The following NXN variants were observed in gnomAD, a reference collection of about 807,000 sequenced individuals.
The protein encoded by NXN is nucleoredoxin, also known as nucleoredoxin 1.
A neutral mutation model predicts 48.6 loss-of-function variants in NXN; 16 were observed. The ratio of observed to expected loss-of-function variants is 0.33; its 90% confidence interval spans 0.22 to 0.50. The LOEUF (loss-of-function observed/expected upper bound fraction) is 0.50, where lower values mean the gene tolerates loss of function less well. NXN is among the 20% of genes least tolerant of loss of function. The pLI is 0.98. For missense variants in NXN, 492 were observed against 605.5 expected (o/e 0.81, Z 1.97); for synonymous variants, 281 against 269.6 (o/e 1.04, Z -0.41).
chr17:835,094 G>C (rs538812891), intron 1 of NXN, among the ~76,000 whole-genome samples: 2 of 151,304 alleles, frequency 1.3e-5, no homozygotes, highest in African/African-American at 2.4e-5. Context: ...GGATCACAAG[G>C]TCAGGAGATC....
At chr17:860,813 C>A (rs2068032892) in intron 1 of NXN, among the ~76,000 whole-genome samples, 1 of 152,202 alleles carries the variant, frequency 6.6e-6, no homozygotes, top group Non-Finnish European at 1.5e-5. Context: ...AACATGTGAC[C>A]CTAACTCTAA....
At chr17:841,141 A>G (rs983913388) in intron 1 of NXN, among the ~76,000 whole-genome samples, 3 of 152,188 alleles carry the variant, frequency 2.0e-5, no homozygotes, top group South Asian at 2.1e-4. Context: ...GTGTGGATAG[A>G]TCGTAGGCAC....
At chr17:974,581 A>C (rs2069435458) in intron 1 of NXN, among the ~76,000 whole-genome samples, 2 of 151,918 alleles carry the variant, frequency 1.3e-5, no homozygotes, top group East Asian at 3.9e-4. Flanking sequence ...GTTATCACAA[A>C]TGGAAAAGGA....
At chr17:905,519 G>T (rs2068574538) in intron 1 of NXN, among the ~76,000 whole-genome samples, 1 of 152,122 alleles carries the variant, frequency 6.6e-6, no homozygotes, top group Admixed American at 6.6e-5. Context: ...AAAATGGAGG[G>T]GTGCTCTTAC....
chr17:908,517 C>CGAGACTCCAGCCTGGGCAAA (rs1567858021), intron 1 of NXN, among the ~76,000 whole-genome samples: 4 of 152,086 alleles, frequency 2.6e-5, no homozygotes, highest in African/African-American at 9.7e-5. Flanking sequence ...GCCTGGGCAA[C>CGAGACTCCAGCCTGGGCAAA]AGAACGAGAC....
intron 1 of NXN, among the ~76,000 whole-genome samples, chr17:918,158 C>T (rs1028338877): frequency 2.6e-5 from 4 of 152,200 alleles, no homozygotes; most frequent in Non-Finnish European, 5.9e-5. Flanking sequence ...AATATCACCT[C>T]CCCCAAAACA....
chr17:828,094 C>T (rs1913232639), intron 1 of NXN, among the ~76,000 whole-genome samples: 1 of 152,046 alleles, frequency 6.6e-6, no homozygotes, highest in African/African-American at 2.4e-5. Flanking sequence ...TCCTGCACAT[C>T]CAGTTTTTTT....
At chr17:807,260 C>T (rs1489601644) in intron 5 of NXN, among the ~76,000 whole-genome samples, 1 of 152,108 alleles carries the variant, frequency 6.6e-6, no homozygotes, top group African/African-American at 2.4e-5. Flanking sequence ...CGGCAAGGTC[C>T]TTCCTCAGAG....
At chr17:802,566 A>G (rs1206311405) in intron 7 of NXN, among the ~76,000 whole-genome samples, 2 of 152,188 alleles carry the variant, frequency 1.3e-5, no homozygotes, top group Non-Finnish European at 2.9e-5. Context: ...GCTGTGCTGC[A>G]GCCATCTTTT....
intron 1 of NXN, among the ~76,000 whole-genome samples, chr17:900,457 C>T (rs1009982460): frequency 2.6e-5 from 4 of 152,130 alleles, no homozygotes; most frequent in African/African-American, 9.7e-5. Context: ...AGATTCCCAC[C>T]TCTTGCAGGA....
At chr17:914,417 G>A (rs1450624121) in intron 1 of NXN, among the ~76,000 whole-genome samples, 12 of 151,602 alleles carry the variant, frequency 7.9e-5, no homozygotes, top group East Asian at 1.9e-4. Flanking sequence ...TGATCCACCC[G>A]CCACAGCCTC....
At chr17:899,818 A>G (rs547112971) in intron 1 of NXN, among the ~76,000 whole-genome samples, 1 of 151,946 alleles carries the variant, frequency 6.6e-6, no homozygotes, top group African/African-American at 2.4e-5. Context: ...TGAGCCCAGG[A>G]GTTCGAGGCT....
chr17:863,781 C>T, intron 1 of NXN: 1 of 637,660 alleles, frequency 1.6e-6, no homozygotes, highest in Non-Finnish European at 2.8e-6. Flanking sequence ...ATTTTTGATT[C>T]ACATCTGGTT....
Position 859,258 on chromosome 17 carries a change from G to GAT in NXN, c.361-33182_361-33181dup, listed in dbSNP as rs1447595031. ...TGAGATGTGTTTATCCACGCTGACC[G>GAT]ATAGTTCAAAGCGGTCGTTTGGAAG... On this transcript the variant is annotated intron_variant, in intron 1 of 7. Transcript: ENST00000336868. 6.6e-5 allele frequency among the ~76,000 whole-genome samples: 10 copies of GAT among 152,276 alleles called. No homozygotes were observed. In the South Asian group the frequency reaches 1.7e-3, roughly 25 times the overall value.
In NXN at chr17:932,939, C is replaced by CCCA. The variant is rs2068869949; in HGVS notation, c.360+46379_360+46380insTGG. 2.6e-5 allele frequency among the ~76,000 whole-genome samples: 4 copies of CCCA among 151,900 alleles called. No individual in the cohort carries two copies. The highest frequency in any genetic ancestry group is 3.9e-4 in the East Asian group (2 of 5,126). ...CTGGGATTCCAGGCGTGAGCCACCGCGCCCAGCCCAGCCCGTCCTCTTGAA... is the reference window on the plus strand; with the variant it reads ...CTGGGATTCCAGGCGTGAGCCACCGCCCAGCCCAGCCCAGCCCGTCCTCTTGAA... On this transcript the variant is annotated intron_variant, in intron 1 of 7. Coordinates refer to ENST00000336868, the MANE Select transcript of NXN (RefSeq NM_022463.5). This position sits in a 1 kb window ranked among gnomAD's most constrained non-coding sequence, Gnocchi z 4.1.
At chr17:841,392 C>CGAGCAGGTCCCCCCTGACCA (rs1567827300) in intron 1 of NXN, among the ~76,000 whole-genome samples, 1 of 149,488 alleles carries the variant, frequency 6.7e-6, no homozygotes, top group African/African-American at 2.4e-5. Flanking sequence ...GCATCTCACG[C>CGAGCAGGTCCCCCCTGACCA]CGGCGAGCAG....
At chr17:921,358 C>T (rs1416598823) in intron 1 of NXN, among the ~76,000 whole-genome samples, 1 of 152,150 alleles carries the variant, frequency 6.6e-6, no homozygotes, top group African/African-American at 2.4e-5. Context: ...CGGCTCTCAG[C>T]GGGGCCACCA....
At chr17:975,564 CCT>C (rs1567529041) in intron 1 of NXN, among the ~76,000 whole-genome samples, 1 of 152,174 alleles carries the variant, frequency 6.6e-6, no homozygotes, top group Non-Finnish European at 1.5e-5. Flanking sequence ...ACCAGGGTCC[CCT>C]GACTCTGCAG....
At chr17:928,928 C>T (rs917719477) in intron 1 of NXN, among the ~76,000 whole-genome samples, 13 of 152,148 alleles carry the variant, frequency 8.5e-5, no homozygotes, top group African/African-American at 2.9e-4. Context: ...GGCCTAAACG[C>T]GTAATCAGCT....
Sources: allele counts gnomAD v4.1 joint callset (sites outside exome capture counted in the v4.1 genomes callset), GRCh38; gene constraint gnomAD v4.1.1; non-coding constraint Gnocchi (gnomAD v3.1); transcripts MANE v1.5; gene names NCBI Gene and HGNC (gene_info 2026-07-23, HGNC 2026-07-21).